The following CMBL variants were observed in gnomAD, a reference collection of about 807,000 sequenced individuals.
The protein encoded by CMBL is carboxymethylenebutenolidase homolog.
CMBL carries 17 observed loss-of-function variants against 28.7 expected under a neutral mutation model. The observed-to-expected ratio is 0.59, with a 90% CI of 0.41 to 0.89. The LOEUF (loss-of-function observed/expected upper bound fraction) is 0.89. CMBL is among the 40% of genes least tolerant of loss of function. CMBL has a pLI of 0.00. For missense variants in CMBL, 310 were observed against 298.5 expected (o/e 1.04, Z -0.28); for synonymous variants, 106 against 101.6 (o/e 1.04, Z -0.26).
In CMBL at chr5:10,289,989, C is replaced by T. The variant is rs1413648161; in HGVS notation, c.215+559G>A. On this transcript the variant is annotated intron_variant, in intron 2 of 5. Transcript: ENST00000296658. The surrounding 1 kb of genome is among the most constrained non-coding windows in gnomAD (Gnocchi z 4.3). ...TACACCGGGGCAAATAAGAAGCAAT[C>T]GGGTATCAGCCTTGGCCAAAGGTGG... Among the ~76,000 whole-genome samples, 1 of 152,190 alleles carries T rather than the reference C, an allele frequency of 6.6e-6. No individual in the cohort carries two copies. Among genetic ancestry groups the T allele is most frequent in the Non-Finnish European group, 1.5e-5 (1 of 68,042 alleles).
At chr5:10,287,631 G>T (rs1003442792) in intron 3 of CMBL, among the ~76,000 whole-genome samples, 1 of 152,126 alleles carries the variant, frequency 6.6e-6, no homozygotes, top group African/African-American at 2.4e-5. Flanking sequence ...ATCACATAAA[G>T]AATGCTATCC....
Sources: gnomAD v4.1 joint callset for allele counts (sites outside exome capture counted in the v4.1 genomes callset) on GRCh38, gnomAD v4.1.1 for gene constraint, Gnocchi (gnomAD v3.1) non-coding constraint, MANE v1.5 for transcripts, NCBI Gene and HGNC (gene_info 2026-07-23, HGNC 2026-07-21) for gene names.